GABARAPL2: variants seen among roughly 807,000 people sequenced by gnomAD.
GABARAPL2 encodes the protein gamma-aminobutyric acid receptor-associated protein-like 2.
A neutral mutation model predicts 16.9 loss-of-function variants in GABARAPL2; 11 were observed. The observed-to-expected ratio is 0.65, with a 90% CI of 0.41 to 1.08. The LOEUF is 1.08. Among genes scored for constraint, GABARAPL2 ranks in the 50% least tolerant of loss-of-function variants. GABARAPL2 has a pLI of 0.00. For synonymous variants in GABARAPL2, 57 were observed against 50.7 expected, an observed-to-expected ratio of 1.12 and a Z score of -0.53; for missense variants, 134 against 142.5, an observed-to-expected ratio of 0.94 and a Z score of 0.30.
chr16:75,569,116 A>G (rs2080900862), intron 3 of GABARAPL2, among the ~76,000 whole-genome samples: 2 of 152,192 alleles, frequency 1.3e-5, no homozygotes, highest in South Asian at 2.1e-4. Context: ...ATGTTGTCCA[A>G]ATAGGTTCCT....
At position 75,566,418 on chromosome 16, in the gene GABARAPL2, T is replaced by C. The variant is rs1347760095; in HGVS notation, c.-69T>C. Reference sequence around the variant, plus strand: ...CTGCCGCTGCCGCTGCCGCCGTCGTTGTTGTTGTGCTCGGTGCGCTGAGCT... The same window carrying C: ...CTGCCGCTGCCGCTGCCGCCGTCGTCGTTGTTGTGCTCGGTGCGCTGAGCT... On this transcript the variant is annotated 5_prime_UTR_variant, in exon 1 of 4. Coordinates refer to ENST00000037243, the MANE Select transcript of GABARAPL2 (RefSeq NM_007285.7). 1.7e-5 allele frequency: 19 copies of C among 1,147,786 alleles called. No homozygotes were observed. Among genetic ancestry groups the C allele is most frequent in the Non-Finnish European group, 2.1e-5 (16 of 777,500 alleles). 71.1% of individuals were successfully genotyped at this position (1,147,786 alleles called of 1,614,324 possible).
chr16:75,572,917 G>C (rs142170255), intron 3 of GABARAPL2, among the ~76,000 whole-genome samples: 22 of 152,316 alleles, frequency 1.4e-4, no homozygotes, highest in Non-Finnish European at 1.8e-4. Flanking sequence ...CCATCTTCAG[G>C]TGTTCTCTAC....
At chr16:75,567,778 G>A (rs977743854) in intron 2 of GABARAPL2, among the ~76,000 whole-genome samples, 4 of 152,188 alleles carry the variant, frequency 2.6e-5, no homozygotes, top group African/African-American at 4.8e-5. Flanking sequence ...CAGATAAAAT[G>A]TGGAAAAGCT....
intron 3 of GABARAPL2, 23 bp from the exon 4 acceptor site, chr16:75,577,256 C>T (rs375592721): frequency 1.0e-5 from 15 of 1,475,918 alleles, no homozygotes; most frequent in African/African-American, 9.7e-5. Flanking sequence ...TTTTCAATGA[C>T]GTTTTTGTTT....
chr16:75,567,102 T>G (rs1371295331), intron 2 of GABARAPL2, among the ~76,000 whole-genome samples, 195 bp downstream of exon 2: 1 of 152,190 alleles, frequency 6.6e-6, no homozygotes, highest in South Asian at 2.1e-4. Context: ...GGTGCCTCAG[T>G]GCTGAATCTC....
chr16:75,566,687 C>A, intron 1 of GABARAPL2, 165 bp from the exon 2 acceptor site: 1 of 958,546 alleles, frequency 1.0e-6, no homozygotes, highest in Non-Finnish European at 1.6e-6. Flanking sequence ...CCCCATGTCA[C>A]CCTCCGCGGG....
intron 3 of GABARAPL2, 62 bp downstream of exon 3, chr16:75,568,271 C>A: frequency 8.0e-7 from 1 of 1,248,722 alleles, no homozygotes; most frequent in Non-Finnish European, 1.1e-6. Context: ...GCTTACGGAA[C>A]TCCAAAACTT....
chr16:75,575,710 CA>C (rs762288910), intron 3 of GABARAPL2: 3 of 152,240 alleles, frequency 2.0e-5, no homozygotes, highest in Non-Finnish European at 2.9e-5. Flanking sequence ...CTCGGCCTCC[CA>C]AACTGCTGGG....
chr16:75,577,304 A>G lies in GABARAPL2; in HGVS notation c.289A>G (p.Lys97Glu). Reference sequence around the variant, plus strand: ...CCTAACTATGGGACAGCTTTACGAGAAGGAAAAAGATGAAGATGGATTCTT... The same window carrying G: ...CCTAACTATGGGACAGCTTTACGAGGAGGAAAAAGATGAAGATGGATTCTT... ...SSLTMGQLYE[K>E]EKDEDGFLYV... Residue 97 changes from lysine (K) to glutamate (E), a missense_variant, in exon 4 of 4, where the codon AAG becomes GAG. Transcript: ENST00000037243. 2 of 1,612,120 alleles carry G rather than the reference A, an allele frequency of 1.2e-6. No homozygotes were observed. Among genetic ancestry groups the G allele is most frequent in the Non-Finnish European group, 1.7e-6 (2 of 1,178,162 alleles).
intron 3 of GABARAPL2, among the ~76,000 whole-genome samples, chr16:75,572,917 G>T (rs142170255): frequency 6.6e-6 from 1 of 152,198 alleles, no homozygotes; most frequent in Non-Finnish European, 1.5e-5. Context: ...CCATCTTCAG[G>T]TGTTCTCTAC....
At position 75,577,880 on chromosome 16, in the gene GABARAPL2, C is replaced by T. The variant is rs949274774; in HGVS notation, c.*511C>T. 4.5e-5 allele frequency: 7 copies of T among 154,438 alleles called. No homozygotes were observed. Among genetic ancestry groups the T allele is most frequent in the Non-Finnish European group, 7.2e-5 (5 of 69,460 alleles). 9.6% of individuals were successfully genotyped at this position (154,438 alleles called of 1,614,324 possible). On this transcript the variant is annotated 3_prime_UTR_variant, in exon 4 of 4. Coordinates refer to ENST00000037243, the MANE Select transcript of GABARAPL2 (RefSeq NM_007285.7). ...AACAATAAAAATTCTCTTATAAAGG[C>T]ATTGTACTGTGGCCATGTCCTTTAT... is the stretch of plus-strand genomic sequence containing the variant.
At chr16:75,577,138 C>T (rs971459258) in intron 3 of GABARAPL2, 141 bp from the exon 4 acceptor site, 32 of 599,378 alleles carry the variant, frequency 5.3e-5, no homozygotes, top group Non-Finnish European at 9.0e-5. Flanking sequence ...TGGCTCCTTT[C>T]TCTTGCTTTA....
chr16:75,577,148 A>G (rs1345499814), intron 3 of GABARAPL2, 131 bp from the exon 4 acceptor site: 2 of 626,248 alleles, frequency 3.2e-6, no homozygotes, highest in East Asian at 5.2e-5. Flanking sequence ...CTCTTGCTTT[A>G]AAACAGGATT....
intron 1 of GABARAPL2, 95 bp from the exon 2 acceptor site, chr16:75,566,757 T>C: frequency 8.0e-7 from 1 of 1,242,518 alleles, no homozygotes; most frequent in Non-Finnish European, 1.2e-6. Flanking sequence ...AACCAGGGCC[T>C]GGGTTGTACG....
chr16:75,571,066 A>G (rs988025985), intron 3 of GABARAPL2, among the ~76,000 whole-genome samples: 1 of 152,224 alleles, frequency 6.6e-6, no homozygotes, highest in African/African-American at 2.4e-5. Flanking sequence ...ATTAAATATA[A>G]TATCTCTAAG....
chr16:75,566,847 C>A lies in GABARAPL2; in HGVS notation c.35-5C>A. 1 of 1,612,922 alleles carries A rather than the reference C, an allele frequency of 6.2e-7. No homozygotes were observed. Among genetic ancestry groups the A allele is most frequent in the South Asian group, 1.1e-5 (1 of 91,076 alleles). ...GGCCGTCAGCCCCGTTTGTTTCTCC[C>A]ACAGAACACAGATGCGTGGAGTCCG... is the stretch of plus-strand genomic sequence containing the variant. On this transcript the variant is annotated splice_polypyrimidine_tract_variant and splice_region_variant and intron_variant, in intron 1 of 3. Transcript: ENST00000037243.
intron 3 of GABARAPL2, among the ~76,000 whole-genome samples, chr16:75,574,209 C>CG (rs1450088560): frequency 1.3e-5 from 2 of 152,106 alleles, no homozygotes; most frequent in Non-Finnish European, 2.9e-5. Context: ...TACACAGGCC[C>CG]GGGGGTGGGC....
intron 3 of GABARAPL2, chr16:75,572,644 G>GT (rs1430912165): frequency 6.6e-6 from 1 of 152,210 alleles, no homozygotes; most frequent in Non-Finnish European, 1.5e-5. Flanking sequence ...GTTTTACCTG[G>GT]ATCTGTGTCA....
At chr16:75,567,119 T>C (rs1216770168) in intron 2 of GABARAPL2, among the ~76,000 whole-genome samples, 2 of 152,226 alleles carry the variant, frequency 1.3e-5, no homozygotes, top group Non-Finnish European at 2.9e-5. Flanking sequence ...TCTCCCGATC[T>C]AGGCCAGCGA....
Sources: gnomAD v4.1 joint callset for allele counts (sites outside exome capture counted in the v4.1 genomes callset) on GRCh38, gnomAD v4.1.1 for gene constraint, MANE v1.5 for transcripts, NCBI Gene and HGNC (gene_info 2026-07-23, HGNC 2026-07-21) for gene names.